APOLD1: variants seen among roughly 807,000 people sequenced by gnomAD.
APOLD1 encodes apolipoprotein L domain-containing protein 1.
APOLD1 carries 22 observed loss-of-function variants against 15.3 expected under a neutral mutation model. The observed-to-expected ratio is 1.44, with a 90% confidence interval of 1.03 to 2.05. The LOEUF (loss-of-function observed/expected upper bound fraction) is 2.05, where lower values mean the gene tolerates loss of function less well. APOLD1 is among the 30% of genes most tolerant of loss of function. The pLI is 0.00. For missense variants in APOLD1, 394 were observed against 353.5 expected, an observed-to-expected ratio of 1.11 and a Z score of -0.92; for synonymous variants, 190 against 167.4, an observed-to-expected ratio of 1.13 and a Z score of -1.04.
At chr12:12,775,894 C>G (rs7308407) in intron 1 of APOLD1, among the ~76,000 whole-genome samples, 2,712 of 150,274 alleles carry the variant, frequency 0.018, 88 homozygotes, top group African/African-American at 0.063. Context: ...GTCCCAGCTA[C>G]CCAGGAGGCT....
intron 1 of APOLD1, among the ~76,000 whole-genome samples, chr12:12,757,665 T>C (rs1337762018): frequency 1.3e-5 from 2 of 149,280 alleles, no homozygotes; most frequent in African/African-American, 2.5e-5. Context: ...TCTTGCCTTT[T>C]TTTTCTTTAA....
chr12:12,777,089 C>T (rs1176906162), intron 1 of APOLD1, among the ~76,000 whole-genome samples: 5 of 152,174 alleles, frequency 3.3e-5, no homozygotes, highest in African/African-American at 1.2e-4. Flanking sequence ...CCATCAGTTT[C>T]CCTTTCCCTG....
At chr12:12,733,744 A>C in intron 1 of APOLD1, among the ~76,000 whole-genome samples, 1 of 152,200 alleles carries the variant, frequency 6.6e-6, no homozygotes, top group East Asian at 1.9e-4. Context: ...CTGGGATTAC[A>C]GATGAGTGCC....
chr12:12,736,615 T>C (rs1354213070), intron 1 of APOLD1, among the ~76,000 whole-genome samples: 1 of 152,234 alleles, frequency 6.6e-6, no homozygotes, highest in Non-Finnish European at 1.5e-5. Context: ...CTAATATTAA[T>C]TGAAATCCTT....
chr12:12,777,196 T>C (rs1479381710), intron 1 of APOLD1, among the ~76,000 whole-genome samples: 4 of 152,224 alleles, frequency 2.6e-5, no homozygotes, highest in African/African-American at 9.6e-5. Context: ...CATCTCCCAC[T>C]TGAAAGCTGA....
chr12:12,763,281 A>G (rs935116802), intron 1 of APOLD1, among the ~76,000 whole-genome samples: 1 of 152,148 alleles, frequency 6.6e-6, no homozygotes, highest in South Asian at 2.1e-4. Context: ...GAGAACATTT[A>G]AAAACTACCC....
chr12:12,746,912 C>G (rs189044993), intron 1 of APOLD1, among the ~76,000 whole-genome samples: 11 of 152,190 alleles, frequency 7.2e-5, no homozygotes, highest in African/African-American at 2.6e-4. Context: ...TCTGTTCCTG[C>G]GTTAATTTGC....
chr12:12,738,408 G>A (rs1946706448), intron 1 of APOLD1, among the ~76,000 whole-genome samples: 1 of 151,926 alleles, frequency 6.6e-6, no homozygotes. Context: ...GTCTCACTAT[G>A]TTGCCCTGGC....
At chr12:12,786,313 TAAGAA>T (rs888775947) in intron 1 of APOLD1, among the ~76,000 whole-genome samples, 2 of 152,204 alleles carry the variant, frequency 1.3e-5, no homozygotes, top group Non-Finnish European at 2.9e-5. Flanking sequence ...GGCTTGATTC[TAAGAA>T]AAGAGCCTGG....
intron 1 of APOLD1, among the ~76,000 whole-genome samples, chr12:12,759,407 TA>T (rs1359886695): frequency 6.6e-6 from 1 of 152,186 alleles, no homozygotes; most frequent in Non-Finnish European, 1.5e-5. Flanking sequence ...TTGTCTTTGT[TA>T]GCTTCCTTGC....
At chr12:12,739,994 T>C (rs1946719590) in intron 1 of APOLD1, among the ~76,000 whole-genome samples, 2 of 151,460 alleles carry the variant, frequency 1.3e-5, no homozygotes, top group African/African-American at 2.4e-5. Flanking sequence ...TTTTTTTTTT[T>C]TTTTTGGGAT....
chr12:12,758,593 G>C (rs746904979), intron 1 of APOLD1, among the ~76,000 whole-genome samples: 2 of 152,178 alleles, frequency 1.3e-5, no homozygotes, highest in Admixed American at 1.3e-4. Flanking sequence ...CAAAGGGACA[G>C]AGCCAGCATT....
chr12:12,771,563 T>A (rs568437939), intron 1 of APOLD1: 3 of 522,850 alleles, frequency 5.7e-6, no homozygotes, highest in Admixed American at 4.0e-5. Context: ...GCCCCATTTG[T>A]TTTTGGCAAC....
chr12:12,753,355 A>G (rs1946828430), intron 1 of APOLD1, among the ~76,000 whole-genome samples: 1 of 152,230 alleles, frequency 6.6e-6, no homozygotes, highest in Non-Finnish European at 1.5e-5. Context: ...GGAAATTTGA[A>G]TGATTGTTGA....
At chr12:12,733,854 T>G (rs552586145) in intron 1 of APOLD1, among the ~76,000 whole-genome samples, 2 of 152,332 alleles carry the variant, frequency 1.3e-5, no homozygotes, top group African/African-American at 4.8e-5. Context: ...TCTGCCCTCC[T>G]CTGTCCCCCA....
chr12:12,730,075 TGTGA>T (rs1218825528), intron 1 of APOLD1, among the ~76,000 whole-genome samples: 2 of 46,204 alleles, frequency 4.3e-5, no homozygotes, highest in Admixed American at 2.8e-4. Flanking sequence ...TGTGTGTGTG[TGTGA>T]GAGAGAGAGA....
At chr12:12,786,281 A>G (rs994547764) in intron 1 of APOLD1, among the ~76,000 whole-genome samples, 9 of 152,214 alleles carry the variant, frequency 5.9e-5, no homozygotes, top group African/African-American at 2.2e-4. Flanking sequence ...TAGTTAGAAT[A>G]AACAGTGCAA....
chr12:12,763,783 A>T (rs1219658796), intron 1 of APOLD1, among the ~76,000 whole-genome samples: 1 of 152,046 alleles, frequency 6.6e-6, no homozygotes, highest in East Asian at 1.9e-4. Context: ...TCATCTCTAG[A>T]TTACCTATAA....
At chr12:12,783,461 CCACCACA>C (rs1947100338), upstream of APOLD1, among the ~76,000 whole-genome samples, 1 of 150,978 alleles carries the variant, frequency 6.6e-6, no homozygotes, top group African/African-American at 2.4e-5. Flanking sequence ...CAGGAGCACG[CCACCACA>C]CACAGCTGTT....
Sources: gnomAD v4.1 joint callset for allele counts (sites outside exome capture counted in the v4.1 genomes callset) on GRCh38, gnomAD v4.1.1 for gene constraint, MANE v1.5 for transcripts, NCBI Gene and HGNC (gene_info 2026-07-23, HGNC 2026-07-21) for gene names.